Variants in PPFIA4 observed in about 807,000 individuals in gnomAD.
The protein encoded by PPFIA4 is liprin-alpha-4.
A neutral mutation model predicts 145.7 loss-of-function variants in PPFIA4; 98 were observed. That is an observed-to-expected ratio of 0.67 (90% CI 0.57 to 0.80). The LOEUF (loss-of-function observed/expected upper bound fraction) is 0.80, where lower values mean the gene tolerates loss of function less well. PPFIA4 is among the 30% of genes least tolerant of loss of function. The pLI is 0.00. For missense variants in PPFIA4, 1,457 were observed against 1,632.7 expected, an observed-to-expected ratio of 0.89 and a Z score of 1.85; for synonymous variants, 628 against 649.6, an observed-to-expected ratio of 0.97 and a Z score of 0.51.
At chr1:203,041,721 G>T (rs1659706871) in intron 2 of PPFIA4, among the ~76,000 whole-genome samples, 1 of 152,298 alleles carries the variant, frequency 6.6e-6, no homozygotes, top group South Asian at 2.1e-4. Context: ...TTGAGGCCAG[G>T]AGAGGGGGCA....
Position 203,038,996 on chromosome 1 carries a change from G to A in PPFIA4, c.-13G>A. 6.9e-7 allele frequency: 1 copy of A among 1,443,248 alleles called. No individual in the cohort carries two copies. The allele number at this position is 1,443,248 out of a possible 1,614,324, so 89.4% of individuals were successfully genotyped here. On this transcript the variant is annotated 5_prime_UTR_variant, in exon 2 of 30. Coordinates refer to ENST00000295706, the MANE Select transcript of PPFIA4 (RefSeq NM_001304331.2). ...TGTCCCCTGACGCTGAGAAGGCCCT[G>A]CCAACCCCCACCATGTGTGAGGTGA...
chr1:203,055,691 G>A lies in PPFIA4; in HGVS notation c.2070+19G>A, dbSNP rs1192929812. ...GACCCTGGTGAGAGGCAGCTGAGGA[G>A]CAGGCCTGGCATCACTGGACCCTGC... On this transcript the variant is annotated intron_variant, in intron 16 of 29. Coordinates refer to ENST00000295706, the MANE Select transcript of PPFIA4 (RefSeq NM_001304331.2). The surrounding 1 kb of genome is among the most constrained non-coding windows in gnomAD (Gnocchi z 4.8). 1.2e-6 allele frequency: 2 copies of A among 1,612,430 alleles called. No homozygotes were observed. The highest frequency in any genetic ancestry group is 1.7e-5 in the Admixed American group (1 of 59,976).
At position 203,068,347 on chromosome 1, in the gene PPFIA4, A is replaced by T. The variant is rs1571735820; in HGVS notation, c.3149-106A>T. 4 of 664,272 alleles carry T rather than the reference A, an allele frequency of 6.0e-6. No homozygotes were observed. Among genetic ancestry groups the T allele is most frequent in the South Asian group, 5.7e-5 (2 of 35,394 alleles). The allele number at this position is 664,272 out of a possible 1,614,324, so 41.1% of individuals were successfully genotyped here. On this transcript the variant is annotated intron_variant, in intron 26 of 29. Transcript: ENST00000295706. This position sits in a 1 kb window ranked among gnomAD's most constrained non-coding sequence, Gnocchi z 4.7. Reference sequence around the variant, plus strand: ...AGGGATGGAGTGGGGGTCAGAGAGCAGGGTGGACTGCGGCTCTGGGTTTAG... The same window carrying T: ...AGGGATGGAGTGGGGGTCAGAGAGCTGGGTGGACTGCGGCTCTGGGTTTAG...
chr1:203,036,912 A>T (rs922217569), intron 1 of PPFIA4, among the ~76,000 whole-genome samples: 73 of 152,164 alleles, frequency 4.8e-4, no homozygotes, highest in Non-Finnish European at 8.2e-4. Flanking sequence ...TTGGGGAAGG[A>T]TCCCCTTGAC....
At chr1:203,033,830 T>A (rs1023943897) in intron 1 of PPFIA4, among the ~76,000 whole-genome samples, 10 of 151,930 alleles carry the variant, frequency 6.6e-5, no homozygotes, top group East Asian at 3.9e-4. Flanking sequence ...ATAAAAAAAA[T>A]AAAAATAGCC....
In PPFIA4 at chr1:203,056,758, GC is replaced by G. The variant is rs1358137362; in HGVS notation, c.2241-21del. The G allele has an allele frequency of 3.2e-6, 5 of 1,539,516 alleles. No homozygotes were observed. The Admixed American group carries it at 9.4e-5, about 29-fold the overall frequency. ...ACTTAAGTATGTTTCTTCTTATTCC[GC>G]CCCCTTCTGGCTGTCACCCTGTAGT... On this transcript the variant is annotated intron_variant, in intron 18 of 29. Transcript: ENST00000295706.
At chr1:203,052,048 C>CA (rs1571700298) in intron 14 of PPFIA4, among the ~76,000 whole-genome samples, 171 bp downstream of exon 14, 2 of 136,368 alleles carry the variant, frequency 1.5e-5, no homozygotes, top group South Asian at 2.4e-4. Context: ...CAGCTGTGCC[C>CA]CCCCCCCCGC....
Position 203,038,921 on chromosome 1 carries a change from G to A in PPFIA4, c.-88G>A. Reference sequence around the variant, plus strand: ...ACTCGCCTGGCACTGCCCACTCTGAGACCCATGCACTGGGTTCCCCTGGAG... The same window carrying A: ...ACTCGCCTGGCACTGCCCACTCTGAAACCCATGCACTGGGTTCCCCTGGAG... On this transcript the variant is annotated 5_prime_UTR_variant, in exon 2 of 30. Transcript: ENST00000295706. The A allele has an allele frequency of 1.5e-6, 1 of 688,110 alleles. No individual in the cohort carries two copies. 42.6% of individuals were successfully genotyped at this position (688,110 alleles called of 1,614,324 possible). A position where few individuals can be genotyped will look rare whatever the true frequency, so the allele number is the denominator to read the frequency against.
rs1033895459 is a variant in PPFIA4 at position 203,048,951 on chromosome 1, C to T, written c.1390C>T (p.Arg464Trp). ...TLIQELESSQ[R>W]QIEEQHHHKG... Reference sequence around the variant, plus strand: ...GATCCAGGAGTTGGAGAGCTCCCAGCGGCAGATTGAGGAGCAGCACCACCA... The same window carrying T: ...GATCCAGGAGTTGGAGAGCTCCCAGTGGCAGATTGAGGAGCAGCACCACCA... Residue 464 changes from arginine to tryptophan, a missense_variant, in exon 12 of 30, where the codon CGG (arginine) becomes TGG (tryptophan). Around this residue, in one of 3 missense-constraint regions of PPFIA4, gnomAD observed 848 missense variants for 1,046.7 expected, o/e 0.81. Coordinates refer to ENST00000295706, the MANE Select transcript of PPFIA4 (RefSeq NM_001304331.2). This position sits in a 1 kb window ranked among gnomAD's most constrained non-coding sequence, Gnocchi z 5.8. 5.4e-5 allele frequency: 84 copies of T among 1,548,338 alleles called. No individual in the cohort carries two copies. Among genetic ancestry groups the T allele is most frequent in the Admixed American group, 1.8e-4 (9 of 50,942 alleles).
chr1:203,056,846 A>T lies in PPFIA4; in HGVS notation c.2303A>T (p.Lys768Met). The change falls in exon 19 of 30, where the codon AAG becomes ATG. Residue 768 changes from lysine to methionine, a missense_variant. Physicochemically the swap from Lys to Met is moderately conservative, Grantham distance 95. Transcript: ENST00000295706. ...SSNSSQDSLHKGAKRKGIKSS... is the reference protein window; with the variant it reads ...SSNSSQDSLHMGAKRKGIKSS... The stretch of plus-strand genomic sequence containing the variant: ...AACAGCAGCCAGGACTCCCTGCACA[A>T]GGGCGCCAAGCGCAAGGGCATCAAG... 1 of 1,614,060 alleles carries T rather than the reference A, an allele frequency of 6.2e-7. No homozygotes were observed. Among genetic ancestry groups the T allele is most frequent in the Non-Finnish European group, 8.5e-7 (1 of 1,179,892 alleles).
At chr1:203,059,661 G>C (rs1373188325) in intron 20 of PPFIA4, 109 bp from the exon 21 acceptor site, 9 of 857,362 alleles carry the variant, frequency 1.0e-5, no homozygotes. Flanking sequence ...CCAGGGTGGG[G>C]AGCAAGGGTT....
chr1:203,052,048 C>CCCCA (rs1039031164), intron 14 of PPFIA4, among the ~76,000 whole-genome samples, 171 bp downstream of exon 14: 1 of 136,278 alleles, frequency 7.3e-6, no homozygotes. Context: ...CAGCTGTGCC[C>CCCCA]CCCCCCCCGC....
rs991781464 is a variant in PPFIA4 at position 203,044,188 on chromosome 1, G to A, written c.501+93G>A. The A allele has an allele frequency of 1.5e-6, 2 of 1,373,472 alleles. 1 individual carries two copies. 85.1% of individuals were successfully genotyped at this position (1,373,472 alleles called of 1,614,324 possible). A position where few individuals can be genotyped will look rare whatever the true frequency, so the allele number is the denominator to read the frequency against. On this transcript the variant is annotated intron_variant, in intron 4 of 29. Transcript: ENST00000295706. Reference sequence around the variant, plus strand: ...CTGAGATTTCCACATCCGGTATTTAGGGAGCACTGGCTCCCTCCAAACATT... The same window carrying A: ...CTGAGATTTCCACATCCGGTATTTAAGGAGCACTGGCTCCCTCCAAACATT...
chr1:203,056,050 G>C (rs919265219), intron 16 of PPFIA4, 70 bp from the exon 17 acceptor site: 2 of 1,526,608 alleles, frequency 1.3e-6, no homozygotes, highest in Non-Finnish European at 1.8e-6. Context: ...AAGACCACTG[G>C]GCTCCCCTGG....
intron 14 of PPFIA4, among the ~76,000 whole-genome samples, chr1:203,052,939 T>C (rs1482863643): frequency 1.3e-5 from 2 of 152,232 alleles, no homozygotes; most frequent in African/African-American, 2.4e-5. Context: ...TAGTCAGCCT[T>C]TGAGTTTGTA....
chr1:203,035,169 G>A (rs1659138821), intron 1 of PPFIA4: 1 of 401,278 alleles, frequency 2.5e-6, no homozygotes, highest in African/African-American at 2.1e-5. Context: ...CGACCCTCCT[G>A]TTTTCCCTCG....
chr1:203,061,088 A>G (rs376568157), intron 23 of PPFIA4, 56 bp downstream of exon 23: 2 of 1,519,582 alleles, frequency 1.3e-6, no homozygotes, highest in South Asian at 1.1e-5. Flanking sequence ...TGATACTCCC[A>G]TGAGGATGAG....
chr1:203,051,074 T>G (rs2102648724), intron 13 of PPFIA4: 1 of 933,786 alleles, frequency 1.1e-6, no homozygotes, highest in Non-Finnish European at 1.3e-6. Context: ...GGGTTCCAAG[T>G]AGGAAGGCAC....
chr1:203,029,246 C>T (rs910662439), intron 1 of PPFIA4, among the ~76,000 whole-genome samples: 3 of 152,192 alleles, frequency 2.0e-5, no homozygotes, highest in Non-Finnish European at 2.9e-5. Context: ...GCTGCAACCT[C>T]GGGGCCTCCT....
Sources: gnomAD v4.1 joint callset for allele counts (sites outside exome capture counted in the v4.1 genomes callset) on GRCh38, gnomAD v4.1.1 for gene constraint, gnomAD v4.1.1 regional missense constraint, Gnocchi (gnomAD v3.1) non-coding constraint, MANE v1.5 for transcripts, NCBI Gene and HGNC (gene_info 2026-07-23, HGNC 2026-07-21) for gene names.